Variants in SI observed in about 807,000 individuals in gnomAD.
SI encodes the protein sucrase-isomaltase, intestinal.
A neutral mutation model predicts 253.3 loss-of-function variants in SI; 235 were observed. That is an observed-to-expected ratio of 0.93 (90% CI 0.83 to 1.03). SI has a LOEUF of 1.03. Ranked by LOEUF, SI falls within the 50% of genes least tolerant of loss-of-function variation. The pLI, the probability that SI is intolerant of heterozygous loss-of-function variation, is 0.00. For missense variants in SI, 2,442 were observed against 2,211.1 expected, an observed-to-expected ratio of 1.10 and a Z score of -2.09; for synonymous variants, 819 against 712.0, an observed-to-expected ratio of 1.15 and a Z score of -2.39.
intron 9 of SI, among the ~76,000 whole-genome samples, chr3:165,060,799 A>G (rs920157101): frequency 6.8e-6 from 1 of 147,340 alleles, no homozygotes; most frequent in Admixed American, 6.9e-5. Context: ...TCTTTGGTTT[A>G]GGCTTTTATA....
chr3:165,069,737 A>C (rs1714436773), intron 3 of SI, among the ~76,000 whole-genome samples: 1 of 152,062 alleles, frequency 6.6e-6, no homozygotes, highest in African/African-American at 2.4e-5. Flanking sequence ...TCAATTAATA[A>C]AGCAAAATAC....
At chr3:164,995,162 T>G (rs142250483) in intron 40 of SI, among the ~76,000 whole-genome samples, 1 of 151,872 alleles carries the variant, frequency 6.6e-6, no homozygotes, top group African/African-American at 2.4e-5. Context: ...ACTGGGGCCC[T>G]TTATAGTTGT....
chr3:164,983,412 T>G (rs958522499), intron 45 of SI, among the ~76,000 whole-genome samples: 15 of 152,234 alleles, frequency 9.9e-5, no homozygotes, highest in African/African-American at 3.4e-4. Flanking sequence ...CAATCGACAC[T>G]TACTTGTCAC....
intron 13 of SI, among the ~76,000 whole-genome samples, chr3:165,050,379 G>A (rs1361659123): frequency 1.3e-5 from 2 of 152,006 alleles, no homozygotes; most frequent in African/African-American, 4.8e-5. Context: ...AATAGTTATG[G>A]CTTCACAGAA....
intron 44 of SI, among the ~76,000 whole-genome samples, chr3:164,990,048 G>T (rs1717656719): frequency 6.6e-6 from 1 of 152,094 alleles, no homozygotes. Flanking sequence ...CATCAACAGT[G>T]AACCCTAATG....
intron 15 of SI, among the ~76,000 whole-genome samples, chr3:165,048,154 C>A (rs1290635900): frequency 6.6e-6 from 1 of 151,848 alleles, no homozygotes; most frequent in Non-Finnish European, 1.5e-5. Flanking sequence ...CATAAAAATA[C>A]AAATTTGAAT....
At chr3:164,996,964 T>C (rs73018885) in intron 38 of SI, among the ~76,000 whole-genome samples, 192 bp from the exon 39 acceptor site, 9,026 of 151,804 alleles carry the variant, frequency 0.059, 901 homozygotes, top group African/African-American at 0.21. Context: ...GTAGCATTTA[T>C]GATATTTACA....
chr3:164,999,423 AT>A (rs1718162583), intron 37 of SI, among the ~76,000 whole-genome samples: 1 of 148,462 alleles, frequency 6.7e-6, no homozygotes, highest in African/African-American at 2.6e-5. Flanking sequence ...CACAGATTAT[AT>A]TATAAGAGTA....
At chr3:165,069,294 T>C in intron 3 of SI, 99 bp from the exon 4 acceptor site, 1 of 857,062 alleles carries the variant, frequency 1.2e-6, no homozygotes, top group Non-Finnish European at 1.9e-6. Flanking sequence ...ATAATCTAAC[T>C]TTTTCAAATG....
chr3:165,059,298 T>A lies in SI; in HGVS notation c.1148A>T (p.Asp383Val). The change falls in exon 11 of 48, where the codon GAT becomes GTT. Residue 383 changes from aspartate to valine, a missense_variant and splice_region_variant. Coordinates refer to ENST00000264382, the MANE Select transcript of SI (RefSeq NM_001041.4). ...RRNREAGIPF[D>V]TQVTDIDYME... ...GTAGTCAATATCAGTGACCTGTGTA[T>A]CCTGAAAGTTAGAAGATTGTATTTC... is the stretch of plus-strand genomic sequence containing the variant. 1 of 1,612,138 alleles carries A rather than the reference T, an allele frequency of 6.2e-7. No individual in the cohort carries two copies. The highest frequency in any genetic ancestry group is 8.5e-7 in the Non-Finnish European group (1 of 1,178,670).
At chr3:165,087,570 G>A in the SI span, among the ~76,000 whole-genome samples, 1 of 152,112 alleles carries the variant, frequency 6.6e-6, no homozygotes, top group African/African-American at 2.4e-5. Context: ...GGTACTCATA[G>A]CAACAGCAAT....
At chr3:164,996,678 A>C (rs772401454) in intron 39 of SI, 27 bp from the exon 40 acceptor site, 2 of 1,364,480 alleles carry the variant, frequency 1.5e-6, no homozygotes, top group African/African-American at 1.4e-5. Context: ...TATTTAGTTA[A>C]ATTTGAATAG....
At chr3:165,032,767 T>C in intron 23 of SI, 75 bp from the exon 24 acceptor site, 2 of 1,008,200 alleles carry the variant, frequency 2.0e-6, no homozygotes, top group Non-Finnish European at 3.0e-6. Flanking sequence ...CGATAAGAAA[T>C]AGCAAAAAAA....
intron 47 of SI, 66 bp from the exon 48 acceptor site, chr3:164,979,496 T>C: frequency 3.2e-6 from 3 of 924,284 alleles, no homozygotes; most frequent in Non-Finnish European, 3.5e-6. Flanking sequence ...TCATGAATGC[T>C]ATTTCAAAAA....
intron 27 of SI, 137 bp from the exon 28 acceptor site, chr3:165,019,907 A>C: frequency 1.3e-6 from 1 of 786,276 alleles, no homozygotes; most frequent in Non-Finnish European, 2.1e-6. Flanking sequence ...CCAGGTACCA[A>C]ATGGAAATAG....
At chr3:165,030,513 C>T (rs368178167) in intron 25 of SI, among the ~76,000 whole-genome samples, 199 bp downstream of exon 25, 7 of 150,718 alleles carry the variant, frequency 4.6e-5, no homozygotes, top group African/African-American at 1.5e-4. Context: ...TTCAGCCTGG[C>T]GTTTACTAAG....
chr3:165,056,087 G>A (rs1287064484), intron 12 of SI, among the ~76,000 whole-genome samples: 1 of 152,020 alleles, frequency 6.6e-6, no homozygotes, highest in African/African-American at 2.4e-5. Context: ...ATCACATTAG[G>A]CAAGGAGAAT....
At chr3:165,056,655 T>C (rs1576913942) in intron 12 of SI, among the ~76,000 whole-genome samples, 2 of 152,196 alleles carry the variant, frequency 1.3e-5, no homozygotes, top group East Asian at 3.9e-4. Flanking sequence ...AGTATTGGCC[T>C]GCCACAGCAG....
intron 37 of SI, among the ~76,000 whole-genome samples, 193 bp from the exon 38 acceptor site, chr3:164,998,866 C>G (rs986004804): frequency 4.0e-5 from 6 of 151,742 alleles, no homozygotes; most frequent in African/African-American, 9.7e-5. Context: ...ACGTCTTTTT[C>G]CCTTCCAACA....
Sources: gnomAD v4.1 joint callset for allele counts (sites outside exome capture counted in the v4.1 genomes callset) on GRCh38, gnomAD v4.1.1 for gene constraint, MANE v1.5 for transcripts, NCBI Gene and HGNC (gene_info 2026-07-23, HGNC 2026-07-21) for gene names.